ITPRIP: variants seen among roughly 807,000 people sequenced by gnomAD.
The protein encoded by ITPRIP is inositol 1,4,5-trisphosphate receptor interacting protein.
In ITPRIP, 32 loss-of-function variants were observed where a neutral mutation model predicts 35.8. The observed-to-expected ratio is 0.89, with a 90% CI of 0.68 to 1.20. The LOEUF is 1.20. ITPRIP is among the 50% of genes most tolerant of loss of function. ITPRIP has a pLI of 0.00. For missense variants in ITPRIP, 653 were observed against 735.6 expected (o/e 0.89, Z 1.30); for synonymous variants, 358 against 324.0 (o/e 1.11, Z -1.13).
At chr10:104,336,846 C>G (rs1298202216) in intron 1 of ITPRIP, among the ~76,000 whole-genome samples, 1 of 152,210 alleles carries the variant, frequency 6.6e-6, no homozygotes, top group African/African-American at 2.4e-5. Context: ...AAACCGAAAA[C>G]AAAACTGCAT....
rs1179214518 is a variant in ITPRIP, at chr10:104,309,845, G to A, written c.*4563C>T. On this transcript the variant is annotated 3_prime_UTR_variant, in exon 2 of 2. Transcript: ENST00000337478. ...TGGGGAGTGGACTAAGAAGTCAGAA[G>A]TGGGACCGTTAGTCTGTTACTTAAT... 2 of 152,206 alleles carry A rather than the reference G, an allele frequency of 1.3e-5. No homozygotes were observed. Among genetic ancestry groups the A allele is most frequent in the African/African-American group, 4.8e-5 (2 of 41,452 alleles). 9.4% of individuals were successfully genotyped at this position (152,206 alleles called of 1,614,324 possible).
chr10:104,315,222 G>A lies in ITPRIP; in HGVS notation c.830C>T (p.Ala277Val), dbSNP rs746792406. Residue 277 changes from alanine to valine, a missense_variant, in exon 2 of 2, where the codon GCG (alanine) becomes GTG (valine). By Grantham distance (64) the Ala-to-Val change is moderately conservative (BLOSUM62 0). Transcript: ENST00000337478. This position sits in a 1 kb window ranked among gnomAD's most constrained non-coding sequence, Gnocchi z 5.7. Reference sequence around the variant, plus strand: ...GTTCTCCATGTCGCCGCAGGGAGGCGCCATGCTGTTCCTGCCGTGCAGGAG... The same window carrying A: ...GTTCTCCATGTCGCCGCAGGGAGGCACCATGCTGTTCCTGCCGTGCAGGAG... Reference protein sequence around the residue: ...LCLLHGRNSMAPPCGDMENLL... With the variant: ...LCLLHGRNSMVPPCGDMENLL... 13 of 1,613,690 alleles carry A rather than the reference G, an allele frequency of 8.1e-6. No homozygotes were observed. The African/African-American group carries it at 1.1e-4, about 13-fold the overall frequency.
intron 1 of ITPRIP, among the ~76,000 whole-genome samples, chr10:104,332,981 A>G (rs1211326225): frequency 6.6e-6 from 1 of 152,254 alleles, no homozygotes; most frequent in African/African-American, 2.4e-5. Context: ...CATAACAGAT[A>G]CACAATGGCT....
intron 1 of ITPRIP, among the ~76,000 whole-genome samples, chr10:104,322,976 G>A (rs767474083): frequency 6.6e-6 from 1 of 150,416 alleles, no homozygotes; most frequent in Non-Finnish European, 1.5e-5. Flanking sequence ...CCCAGCTGAT[G>A]AGGTACACAG....
chr10:104,312,818 G>C lies in ITPRIP; in HGVS notation c.*1590C>G. 1 of 985,418 alleles carries C rather than the reference G, an allele frequency of 1.0e-6. No homozygotes were observed. Among genetic ancestry groups the C allele is most frequent in the South Asian group, 4.7e-5 (1 of 21,286 alleles). The allele number at this position is 985,418 out of a possible 1,614,324, so 61.0% of individuals were successfully genotyped here. Reference sequence around the variant, plus strand: ...GTTTGTGGGGTAACTGGGCACCCCTGTCAAGTTGGTTATGCTCTCGGGAAG... The same window carrying C: ...GTTTGTGGGGTAACTGGGCACCCCTCTCAAGTTGGTTATGCTCTCGGGAAG... On this transcript the variant is annotated 3_prime_UTR_variant, in exon 2 of 2. Transcript: ENST00000337478.
At position 104,315,052 on chromosome 10, in the gene ITPRIP, G is replaced by C; in HGVS notation, c.1000C>G (p.Leu334Val). 1.2e-6 allele frequency: 2 copies of C among 1,614,188 alleles called. No individual in the cohort carries two copies. The highest frequency in any genetic ancestry group is 1.7e-5 in the Admixed American group (1 of 60,030). Residue 334 changes from leucine (L) to valine (V), a missense_variant, in exon 2 of 2, where the codon CTG becomes GTG. By Grantham distance (32) the Leu-to-Val change is conservative. Transcript: ENST00000337478. This position sits in a 1 kb window ranked among gnomAD's most constrained non-coding sequence, Gnocchi z 5.7. The part of the protein sequence containing the change: ...AFGQLDSPGS[L>V]KIKFRSGKFM... ...TTCCCTGAACGGAACTTGATCTTCA[G>C]GGACCCCGGGCTGTCCAGCTGGCCA...
At chr10:104,327,788 G>A (rs1017958569) in intron 1 of ITPRIP, among the ~76,000 whole-genome samples, 1 of 152,224 alleles carries the variant, frequency 6.6e-6, no homozygotes, top group African/African-American at 2.4e-5. Flanking sequence ...AACCCCGGGG[G>A]AGGGGGCCAT....
At position 104,326,169 on chromosome 10, in the gene ITPRIP, A is replaced by G. The variant is rs1203590517; in HGVS notation, c.-13-10105T>C. Reference sequence around the variant, plus strand: ...CTCGGGAGAGGGAGCGGTTTCAAGAAGTCACCAGAATGCCAACTCTGTTCT... The same window carrying G: ...CTCGGGAGAGGGAGCGGTTTCAAGAGGTCACCAGAATGCCAACTCTGTTCT... On this transcript the variant is annotated intron_variant, in intron 1 of 1. Coordinates refer to ENST00000337478, the MANE Select transcript of ITPRIP (RefSeq NM_001272013.2). The surrounding 1 kb of genome is among the most constrained non-coding windows in gnomAD (Gnocchi z 4.8). Among the ~76,000 whole-genome samples the G allele has an allele frequency of 6.6e-6, 1 of 152,172 alleles. No individual in the cohort carries two copies. Among genetic ancestry groups the G allele is most frequent in the Non-Finnish European group, 1.5e-5 (1 of 68,018 alleles).
chr10:104,312,756 G>A lies in ITPRIP; in HGVS notation c.*1652C>T. 1.0e-6 allele frequency: 1 copy of A among 985,368 alleles called. No homozygotes were observed. The highest frequency in any genetic ancestry group is 1.2e-6 in the Non-Finnish European group (1 of 829,950). 61.0% of individuals were successfully genotyped at this position (985,368 alleles called of 1,614,324 possible). A position where few individuals can be genotyped will look rare whatever the true frequency, so the allele number is the denominator to read the frequency against. ...TCAAGCTTTCTGAGGCTGGTTGAGA[G>A]CACTCCTGGGGATGGGGGAAGGATC... On this transcript the variant is annotated 3_prime_UTR_variant, in exon 2 of 2. Coordinates refer to ENST00000337478, the MANE Select transcript of ITPRIP (RefSeq NM_001272013.2).
rs2013530603 is a variant in ITPRIP, at chr10:104,313,170, G to C, written c.*1238C>G. ...TGCAGACTGGAGCTAGGTTTCCATA[G>C]TTCTTGCTTCCATGCACACCCTGCC... On this transcript the variant is annotated 3_prime_UTR_variant, in exon 2 of 2. Transcript: ENST00000337478. 1.0e-6 allele frequency: 1 copy of C among 985,444 alleles called. No homozygotes were observed. Among genetic ancestry groups the C allele is most frequent in the Admixed American group, 6.1e-5 (1 of 16,274 alleles). 61.0% of individuals were successfully genotyped at this position (985,444 alleles called of 1,614,324 possible).
At chr10:104,334,082 A>G (rs2014198675) in intron 1 of ITPRIP, among the ~76,000 whole-genome samples, 1 of 152,158 alleles carries the variant, frequency 6.6e-6, no homozygotes, top group African/African-American at 2.4e-5. Flanking sequence ...CGAGTGGTGG[A>G]GCCAGGACTC....
intron 1 of ITPRIP, among the ~76,000 whole-genome samples, chr10:104,336,951 G>GGA (rs1195996552): frequency 6.6e-6 from 1 of 152,170 alleles, no homozygotes; most frequent in African/African-American, 2.4e-5. Context: ...ATGCACCCAG[G>GGA]GAGAGCAGAG....
intron 1 of ITPRIP, among the ~76,000 whole-genome samples, chr10:104,331,164 G>A (rs540776092): frequency 1.3e-5 from 2 of 152,346 alleles, no homozygotes; most frequent in East Asian, 3.9e-4. Context: ...AGGTAGGCAT[G>A]TGTTGGGGTG....
intron 1 of ITPRIP, among the ~76,000 whole-genome samples, chr10:104,319,556 C>T (rs111596457): frequency 8.5e-5 from 13 of 152,080 alleles, no homozygotes; most frequent in African/African-American, 2.4e-4. Context: ...TCCATCTCCC[C>T]GCTTCCCCGG....
rs2014011640 is a variant in ITPRIP, at chr10:104,326,344, G to A, written c.-13-10280C>T. The A allele has an allele frequency of 6.6e-6, 1 of 152,220 alleles. No homozygotes were observed. The allele number at this position is 152,220 out of a possible 1,614,324, so 9.4% of individuals were successfully genotyped here. A position where few individuals can be genotyped will look rare whatever the true frequency, so the allele number is the denominator to read the frequency against. On this transcript the variant is annotated intron_variant, in intron 1 of 1. Coordinates refer to ENST00000337478, the MANE Select transcript of ITPRIP (RefSeq NM_001272013.2). The surrounding 1 kb of genome is among the most constrained non-coding windows in gnomAD (Gnocchi z 4.8). ...GCACGTCCCTCGGCGAGCAGATGGA[G>A]AAGGCAGGGAAGCCATCCTCTCCCA... is the stretch of plus-strand genomic sequence containing the variant.
At chr10:104,336,587 TCCAACCAAGTGATC>T (rs58701963) in intron 1 of ITPRIP, among the ~76,000 whole-genome samples, 60,140 of 149,544 alleles carry the variant, frequency 0.4, 14,205 homozygotes, top group African/African-American at 0.67. Context: ...CGATCCTAGC[TCCAACCAAGTGATC>T]CCAACCAAGT....
Position 104,312,244 on chromosome 10 carries a change from C to T in ITPRIP, c.*2164G>A, listed in dbSNP as rs776367668. 6.6e-6 allele frequency: 1 copy of T among 152,524 alleles called. No individual in the cohort carries two copies. Among genetic ancestry groups the T allele is most frequent in the African/African-American group, 2.4e-5 (1 of 41,422 alleles). The allele number at this position is 152,524 out of a possible 1,614,324, so 9.4% of individuals were successfully genotyped here. A position where few individuals can be genotyped will look rare whatever the true frequency, so the allele number is the denominator to read the frequency against. ...GCAGCTTTGGTGCAGAAAAGATTCC[C>T]GTTTCCCCACCGAGTTCTGTTGTCT... On this transcript the variant is annotated 3_prime_UTR_variant, in exon 2 of 2. Transcript: ENST00000337478.
At chr10:104,323,305 C>T (rs1400100292) in intron 1 of ITPRIP, 1 of 152,228 alleles carries the variant, frequency 6.6e-6, no homozygotes, top group Non-Finnish European at 1.5e-5. Flanking sequence ...TTAATTGTCA[C>T]AACCTCATTT....
chr10:104,324,463 G>A (rs758894766), intron 1 of ITPRIP, among the ~76,000 whole-genome samples: 17 of 152,166 alleles, frequency 1.1e-4, no homozygotes, highest in Non-Finnish European at 2.2e-4. Context: ...GAAAGTAGGT[G>A]GAAAGGGTGC....
Sources: allele counts gnomAD v4.1 joint callset (sites outside exome capture counted in the v4.1 genomes callset), GRCh38; gene constraint gnomAD v4.1.1; non-coding constraint Gnocchi (gnomAD v3.1); transcripts MANE v1.5; gene names NCBI Gene and HGNC (gene_info 2026-07-23, HGNC 2026-07-21).